The following FANCG variants were observed in gnomAD, a reference collection of about 807,000 sequenced individuals.
FANCG encodes FA complementation group G, also known as Fanconi anemia group G protein.
FANCG carries 67 observed loss-of-function variants against 73.3 expected under a neutral mutation model. The observed-to-expected ratio is 0.91, with a 90% CI of 0.75 to 1.12. FANCG has a LOEUF of 1.12. FANCG is among the 50% of genes most tolerant of loss of function. The probability of loss-of-function intolerance (pLI) is 0.00; values close to 1 mark genes in which losing one functional copy is unlikely to be tolerated. For synonymous variants in FANCG, 297 were observed against 311.6 expected (o/e 0.95, Z 0.49); for missense variants, 643 against 735.6 (o/e 0.87, Z 1.46).
At chr9:35,075,779 T>C in intron 9 of FANCG, 25 bp from the exon 10 acceptor site, 1 of 1,586,546 alleles carries the variant, frequency 6.3e-7, no homozygotes. Context: ...AGAAGCAGTG[T>C]CTTGAAAGGC....
At chr9:35,076,105 T>A in intron 8 of FANCG, 77 bp from the exon 9 acceptor site, 1 of 1,380,822 alleles carries the variant, frequency 7.2e-7, no homozygotes, top group Non-Finnish European at 1.0e-6. Context: ...TGTTCTCTCT[T>A]AGCTAACAGA....
In FANCG at chr9:35,078,741, A is replaced by G. The variant is rs2131059182; in HGVS notation, c.176-5T>C. The G allele has an allele frequency of 6.2e-7, 1 of 1,614,146 alleles. No homozygotes were observed. Among genetic ancestry groups the G allele is most frequent in the Non-Finnish European group, 8.5e-7 (1 of 1,180,038 alleles). ...CAGGAACAGCTGCAGGGAGCCCTGG[A>G]GCAACAATGTTGGTCTTACAGACTG... On this transcript the variant is annotated splice_polypyrimidine_tract_variant and splice_region_variant and intron_variant, in intron 2 of 13. Transcript: ENST00000378643.
At chr9:35,076,352 C>A in intron 8 of FANCG, 80 bp downstream of exon 8, 1 of 1,563,284 alleles carries the variant, frequency 6.4e-7, no homozygotes, top group Non-Finnish European at 8.8e-7. Context: ...CCCCAAGTCA[C>A]AAGAACAAAA....
chr9:35,079,032 C>G, intron 2 of FANCG, 119 bp downstream of exon 2: 1 of 881,606 alleles, frequency 1.1e-6, no homozygotes, highest in Non-Finnish European at 1.8e-6. Flanking sequence ...CCAGTCTCCT[C>G]TGTGCCTTAA....
chr9:35,075,880 C>CA (rs1829073954), intron 9 of FANCG, 82 bp downstream of exon 9: 2 of 1,571,826 alleles, frequency 1.3e-6, no homozygotes, highest in Non-Finnish European at 1.8e-6. Flanking sequence ...GAGGAAAAAA[C>CA]AAAAAATTGC....
At position 35,079,381 on chromosome 9, in the gene FANCG, T is replaced by G. The variant is rs532501698; in HGVS notation, c.84+60A>C. 1.3e-4 allele frequency: 208 copies of G among 1,604,332 alleles called. 4 individuals carry two copies. In the South Asian group the frequency reaches 2.1e-3, roughly 17 times the overall value. ...TCCCCATCGGTTGGGGTAAATCCAC[T>G]GCAAACCCGCTTTCAGGGATCTTGA... On this transcript the variant is annotated intron_variant, in intron 1 of 13. Transcript: ENST00000378643.
intron 12 of FANCG, 170 bp downstream of exon 12, chr9:35,074,755 TAC>T: frequency 3.2e-6 from 3 of 925,594 alleles, no homozygotes; most frequent in Middle Eastern, 3.0e-4. Context: ...GAGCCCTGCA[TAC>T]ACACTGTGTA....
Position 35,078,507 on chromosome 9 carries a change from T to C in FANCG, c.307+98A>G, listed in dbSNP as rs568768207. ...GCACAGAGAAGGGCACCTCTCTCCATGGAGGTGACAGATGTTGTTTATCCT... is the reference window on the plus strand; with the variant it reads ...GCACAGAGAAGGGCACCTCTCTCCACGGAGGTGACAGATGTTGTTTATCCT... On this transcript the variant is annotated intron_variant, in intron 3 of 13. Transcript: ENST00000378643. The C allele has an allele frequency of 6.4e-6, 10 of 1,561,664 alleles. No individual in the cohort carries two copies. In the Admixed American group the frequency reaches 6.7e-5, roughly 10 times the overall value.
intron 1 of FANCG, 37 bp downstream of exon 1, chr9:35,079,404 T>A (rs747688268): frequency 6.2e-7 from 1 of 1,611,718 alleles, no homozygotes; most frequent in South Asian, 1.1e-5. Flanking sequence ...TCAGGGATCT[T>A]GAGGCTGCAA....
At position 35,078,398 on chromosome 9, in the gene FANCG, C is replaced by T. The variant is rs111783304; in HGVS notation, c.308-55G>A. On this transcript the variant is annotated intron_variant, in intron 3 of 13. Coordinates refer to ENST00000378643, the MANE Select transcript of FANCG (RefSeq NM_004629.2). ...ACACACAGCTGAAGTAGCACCTCAT[C>T]CTCCATCTCCCCACACACTCTGGCT... 24 of 1,570,386 alleles carry T rather than the reference C, an allele frequency of 1.5e-5. No individual in the cohort carries two copies. The African/African-American group carries it at 2.6e-4, about 17-fold the overall frequency.
Position 35,074,424 on chromosome 9 carries a change from T to C in FANCG, c.1707A>G (p.Ala569=), listed in dbSNP as rs1402083012. The C allele has an allele frequency of 1.2e-6, 2 of 1,613,992 alleles. No individual in the cohort carries two copies. Among genetic ancestry groups the C allele is most frequent in the Non-Finnish European group, 1.7e-6 (2 of 1,180,028 alleles). The part of the protein sequence containing the change: ...KRLDRRDEAT[A]LWWRLEAQTK... ...TTTGGGCCTCCAGCCTCCACCAGAG[T>C]GCAGTGGCCTCATCCCTCCGATCTA... is the stretch of plus-strand genomic sequence containing the variant. Residue 569 remains alanine, a synonymous_variant, in exon 13 of 14, where the codon GCA becomes GCG. Coordinates refer to ENST00000378643, the MANE Select transcript of FANCG (RefSeq NM_004629.2).
chr9:35,079,813 G>A lies in FANCG; in HGVS notation c.-289C>T. The A allele has an allele frequency of 2.0e-6, 1 of 502,780 alleles. No homozygotes were observed. The highest frequency in any genetic ancestry group is 3.7e-6 in the Non-Finnish European group (1 of 273,536). 31.1% of individuals were successfully genotyped at this position (502,780 alleles called of 1,614,324 possible). ...AGTTAGTTCCCGCGGGAAACTCGGG[G>A]AGGAAACGAGTCAGCAACCCCAAAC... On this transcript the variant is annotated 5_prime_UTR_variant, in exon 1 of 14. Transcript: ENST00000378643.
intron 9 of FANCG, 79 bp from the exon 10 acceptor site, chr9:35,075,833 G>A (rs574958037): frequency 2.6e-5 from 40 of 1,523,772 alleles, no homozygotes; most frequent in Non-Finnish European, 3.5e-5. Flanking sequence ...CTGGTACCAT[G>A]CAGAGTCCTG....
In FANCG at chr9:35,077,682, T is replaced by C. The variant is rs139411066; in HGVS notation, c.511-283A>G. Among the ~76,000 whole-genome samples the C allele has an allele frequency of 5.9e-5, 9 of 152,150 alleles. No individual in the cohort carries two copies. The East Asian group carries it at 1.5e-3, about 26-fold the overall frequency. On this transcript the variant is annotated intron_variant, in intron 4 of 13. Transcript: ENST00000378643. ...TCCTCACTCAGGGCAAGGACCATATTTGAGTTACTAATAAGGAGACTAAGG... is the reference window on the plus strand; with the variant it reads ...TCCTCACTCAGGGCAAGGACCATATCTGAGTTACTAATAAGGAGACTAAGG...
Position 35,074,978 on chromosome 9 carries a change from G to A in FANCG, c.1585C>T (p.Gln529Ter), listed in dbSNP as rs1157985962. The A allele has an allele frequency of 1.9e-6, 3 of 1,614,166 alleles. No individual in the cohort carries two copies. The highest frequency in any genetic ancestry group is 2.5e-6 in the Non-Finnish European group (3 of 1,180,040). The change falls in exon 12 of 14, where the codon CAG becomes TAG. Residue 529 changes from glutamine (Q) to a stop codon, truncating the protein, a stop_gained. Coordinates refer to ENST00000378643, the MANE Select transcript of FANCG (RefSeq NM_004629.2). LOFTEE classifies it high-confidence loss of function. ...SRGLEWVASG[Q>*]DTKALQDFLL... is the part of the protein sequence containing the mutation. ...AAGTCCTGTAAGGCTTTGGTATCCT[G>A]GCCGCTGGCTACCCATTCCAGTCCA... is the stretch of plus-strand genomic sequence containing the variant.
chr9:35,076,091 A>G (rs563964168), intron 8 of FANCG, 63 bp from the exon 9 acceptor site: 1 of 1,479,500 alleles, frequency 6.8e-7, no homozygotes, highest in Non-Finnish European at 9.5e-7. Flanking sequence ...AAGGGTCCTG[A>G]GAATGTTCTC....
At position 35,079,747 on chromosome 9, in the gene FANCG, C is replaced by T; in HGVS notation, c.-223G>A. On this transcript the variant is annotated 5_prime_UTR_variant, in exon 1 of 14. Coordinates refer to ENST00000378643, the MANE Select transcript of FANCG (RefSeq NM_004629.2). ...GCTCTCAACCTCGCCTCTGGTTGGC[C>T]GGGTCTGCGAAGCTCTGGGCTGCGG... 1 of 597,928 alleles carries T rather than the reference C, an allele frequency of 1.7e-6. No individual in the cohort carries two copies. The allele number at this position is 597,928 out of a possible 1,614,324, so 37.0% of individuals were successfully genotyped here. A position where few individuals can be genotyped will look rare whatever the true frequency, so the allele number is the denominator to read the frequency against.
In FANCG at chr9:35,075,445, C is replaced by T; in HGVS notation, c.1433+20G>A. ...TCAGAAAATCATCCCTCCACACCCCCTCTAGGACCCCGGGCTCACCTGCTA... is the reference window on the plus strand; with the variant it reads ...TCAGAAAATCATCCCTCCACACCCCTTCTAGGACCCCGGGCTCACCTGCTA... On this transcript the variant is annotated intron_variant, in intron 10 of 13. Transcript: ENST00000378643. 1.9e-6 allele frequency: 3 copies of T among 1,614,092 alleles called. No individual in the cohort carries two copies. The highest frequency in any genetic ancestry group is 2.5e-6 in the Non-Finnish European group (3 of 1,180,024).
chr9:35,078,825 C>T, intron 2 of FANCG, 89 bp from the exon 3 acceptor site: 1 of 1,535,978 alleles, frequency 6.5e-7, no homozygotes, highest in Non-Finnish European at 9.0e-7. Context: ...CCACTCCAAC[C>T]AAAACAGCTA....
Sources: gnomAD v4.1 joint callset for allele counts (sites outside exome capture counted in the v4.1 genomes callset) on GRCh38, gnomAD v4.1.1 for gene constraint, MANE v1.5 for transcripts, NCBI Gene and HGNC (gene_info 2026-07-23, HGNC 2026-07-21) for gene names.